The following STXBP5L variants were observed in gnomAD, a reference collection of about 807,000 sequenced individuals.
STXBP5L encodes syntaxin-binding protein 5-like.
Under a neutral mutation model 144.5 loss-of-function variants are expected in STXBP5L, and 65 were observed. The ratio of observed to expected loss-of-function variants is 0.45; its 90% CI spans 0.37 to 0.55. The LOEUF (loss-of-function observed/expected upper bound fraction) is 0.55, where lower values mean the gene tolerates loss of function less well. STXBP5L is among the 20% of genes least tolerant of loss of function. The pLI, the probability that STXBP5L is intolerant of heterozygous loss-of-function variation, is 0.00. For synonymous variants in STXBP5L, 505 were observed against 469.6 expected (o/e 1.08, Z -0.97); for missense variants, 1,298 against 1,405.5 (o/e 0.92, Z 1.22).
chr3:121,092,775 T>C (rs971003865), intron 5 of STXBP5L, among the ~76,000 whole-genome samples: 10 of 152,100 alleles, frequency 6.6e-5, no homozygotes, highest in Non-Finnish European at 8.8e-5. Flanking sequence ...CCTTCTCCTG[T>C]CTAATTGCCC....
chr3:121,305,563 A>G (rs1450781722), intron 19 of STXBP5L, among the ~76,000 whole-genome samples: 1 of 152,216 alleles, frequency 6.6e-6, no homozygotes. Flanking sequence ...TAATACAGTC[A>G]TATCAATACA....
intron 9 of STXBP5L, among the ~76,000 whole-genome samples, chr3:121,165,244 AT>A (rs761594223): frequency 1.3e-5 from 2 of 152,208 alleles, no homozygotes; most frequent in Non-Finnish European, 2.9e-5. Context: ...TTTAGTTTAT[AT>A]ATGAATGTTT....
chr3:120,983,958 C>T (rs1192428041), intron 3 of STXBP5L, among the ~76,000 whole-genome samples: 1 of 152,214 alleles, frequency 6.6e-6, no homozygotes, highest in African/African-American at 2.4e-5. Context: ...CAGTCAGTCT[C>T]TTAACTGTGG....
chr3:121,123,347 C>T (rs886415298), intron 7 of STXBP5L, among the ~76,000 whole-genome samples: 2 of 151,468 alleles, frequency 1.3e-5, no homozygotes, highest in African/African-American at 4.8e-5. Flanking sequence ...GATATCTATA[C>T]TGTTTATGTG....
Position 121,121,775 on chromosome 3 carries a change from A to G in STXBP5L, c.669+71A>G, listed in dbSNP as rs115321713. The G allele has an allele frequency of 1.6e-3, 1,855 of 1,146,130 alleles. 27 individuals carry two copies. In the African/African-American group the frequency reaches 0.026, roughly 16 times the overall value. 71.0% of individuals were successfully genotyped at this position (1,146,130 alleles called of 1,614,324 possible). ...TTGAAAAAAGGTGTTTCTTACTATT[A>G]TTTTATATCTAGTATCTAGCCCAGT... On this transcript the variant is annotated intron_variant, in intron 7 of 26. Transcript: ENST00000471454.
intron 3 of STXBP5L, among the ~76,000 whole-genome samples, chr3:120,959,730 C>T (rs1938526095): frequency 6.6e-6 from 1 of 152,146 alleles, no homozygotes; most frequent in Admixed American, 6.5e-5. Context: ...GGATCCCTTC[C>T]TTACACCTTA....
intron 5 of STXBP5L, among the ~76,000 whole-genome samples, chr3:121,098,229 C>G (rs1354648075): frequency 6.6e-6 from 1 of 152,110 alleles, no homozygotes; most frequent in Admixed American, 6.6e-5. Flanking sequence ...TTTTGGCTCA[C>G]AGTACTGCAG....
intron 5 of STXBP5L, among the ~76,000 whole-genome samples, chr3:121,059,516 T>C (rs1180210294): frequency 6.6e-6 from 1 of 152,160 alleles, no homozygotes; most frequent in African/African-American, 2.4e-5. Flanking sequence ...GTGAAGAATG[T>C]CAGTGGTAGC....
At chr3:120,990,131 G>T (rs960236317) in intron 3 of STXBP5L, among the ~76,000 whole-genome samples, 2 of 151,930 alleles carry the variant, frequency 1.3e-5, no homozygotes, top group Non-Finnish European at 2.9e-5. Context: ...AAAATCAATG[G>T]GCAAAAATCA....
intron 3 of STXBP5L, among the ~76,000 whole-genome samples, chr3:120,987,646 G>T (rs1297608884): frequency 2.0e-5 from 3 of 151,300 alleles, no homozygotes; most frequent in Non-Finnish European, 4.4e-5. Flanking sequence ...TTGTGCTCGT[G>T]GTTTCACCTC....
intron 2 of STXBP5L, among the ~76,000 whole-genome samples, chr3:120,950,135 G>A (rs918351574): frequency 5.3e-5 from 8 of 151,888 alleles, no homozygotes; most frequent in Admixed American, 1.3e-4. Context: ...TTTATTCTTA[G>A]AGTTTTATAG....
In STXBP5L at chr3:121,400,656, T is replaced by C. The variant is rs565296425; in HGVS notation, c.2588-6587T>C. On this transcript the variant is annotated intron_variant, in intron 22 of 26. Transcript: ENST00000471454. ...AGATGCCTGTGAAAGTCTGCAGTCA[T>C]CTTGCAAGCATTCTCAAGCTGCAAG... is the stretch of plus-strand genomic sequence containing the variant. Among the ~76,000 whole-genome samples the C allele has an allele frequency of 3.7e-4, 56 of 152,290 alleles. 2 individuals are homozygous for C. In the South Asian group the frequency reaches 4.1e-3, roughly 11 times the overall value.
intron 23 of STXBP5L, among the ~76,000 whole-genome samples, chr3:121,412,381 T>A (rs554380348): frequency 2.8e-4 from 42 of 152,146 alleles, no homozygotes; most frequent in African/African-American, 1.0e-3. Flanking sequence ...AAACCAATAA[T>A]TGACCTCTAG....
chr3:120,953,840 G>T (rs565982168), intron 2 of STXBP5L, among the ~76,000 whole-genome samples: 1 of 152,162 alleles, frequency 6.6e-6, no homozygotes, highest in Admixed American at 6.5e-5. Flanking sequence ...AGAACCTTCA[G>T]TACAATATTG....
At chr3:121,168,671 C>T (rs2046588358) in intron 9 of STXBP5L, among the ~76,000 whole-genome samples, 1 of 152,050 alleles carries the variant, frequency 6.6e-6, no homozygotes, top group Non-Finnish European at 1.5e-5. Context: ...AACAAAGCCT[C>T]CAAGAAATAT....
At chr3:120,960,164 A>G (rs1938587166) in intron 3 of STXBP5L, among the ~76,000 whole-genome samples, 1 of 152,242 alleles carries the variant, frequency 6.6e-6, no homozygotes, top group African/African-American at 2.4e-5. Context: ...AAAAATGCTC[A>G]TCATCACTGG....
chr3:121,209,802 T>C (rs748120084), intron 10 of STXBP5L, among the ~76,000 whole-genome samples: 6 of 152,254 alleles, frequency 3.9e-5, no homozygotes, highest in Non-Finnish European at 8.8e-5. Flanking sequence ...ATGGTGTATA[T>C]GTGCCACATT....
intron 3 of STXBP5L, among the ~76,000 whole-genome samples, chr3:120,987,983 A>T (rs1942464432): frequency 6.6e-6 from 1 of 151,858 alleles, no homozygotes; most frequent in African/African-American, 2.4e-5. Context: ...TTAGTAAATT[A>T]TAGGACTATT....
chr3:121,045,757 G>A (rs932385403), intron 5 of STXBP5L, among the ~76,000 whole-genome samples: 1 of 152,120 alleles, frequency 6.6e-6, no homozygotes, highest in Non-Finnish European at 1.5e-5. Context: ...AGGAGCTTTT[G>A]GGCTGAGATT....
Sources: gnomAD v4.1 joint callset for allele counts (sites outside exome capture counted in the v4.1 genomes callset) on GRCh38, gnomAD v4.1.1 for gene constraint, MANE v1.5 for transcripts, NCBI Gene and HGNC (gene_info 2026-07-23, HGNC 2026-07-21) for gene names.